CELF2: variants seen among roughly 807,000 people sequenced by gnomAD.
CELF2 encodes the protein CUG triplet repeat RNA-binding protein 2.
A neutral mutation model predicts 62.6 loss-of-function variants in CELF2; 8 were observed. The ratio of observed to expected loss-of-function variants is 0.13; its 90% CI spans 0.07 to 0.23. The LOEUF (loss-of-function observed/expected upper bound fraction) is 0.23, where lower values mean the gene tolerates loss of function less well. CELF2 is among the 10% of genes least tolerant of loss of function. The probability of loss-of-function intolerance (pLI) is 1.00; values close to 1 mark genes in which losing one functional copy is unlikely to be tolerated. For synonymous variants in CELF2, 258 were observed against 250.0 expected (o/e 1.03, Z -0.30); for missense variants, 333 against 671.0 (o/e 0.50, Z 5.56).
chr10:10,742,589 C>CA, the CELF2 span, among the ~76,000 whole-genome samples: 474 of 128,058 alleles, frequency 3.7e-3, 1 homozygote, highest in South Asian at 6.9e-3. Flanking sequence ...GACTTTGTTG[C>CA]AAAAAAAAAA....
At chr10:10,915,576 G>A (rs1286143433) in intron 1 of CELF2, among the ~76,000 whole-genome samples, 3 of 152,082 alleles carry the variant, frequency 2.0e-5, no homozygotes, top group Non-Finnish European at 4.4e-5. Flanking sequence ...CACCTCATCT[G>A]TTTGTTTGTT....
chr10:10,490,835 A>ACTTCGG, the CELF2 span, among the ~76,000 whole-genome samples: 1 of 152,182 alleles, frequency 6.6e-6, no homozygotes, highest in African/African-American at 2.4e-5. Flanking sequence ...CAAGGGAGTT[A>ACTTCGG]ATAATGGCTA....
chr10:10,951,877 G>C (rs1055261377), intron 2 of CELF2: 11 of 152,434 alleles, frequency 7.2e-5, no homozygotes, highest in Non-Finnish European at 1.3e-4. Context: ...GGGAAGAGGC[G>C]TTCGGTGTGA....
Position 11,243,353 on chromosome 10 carries a change from G to C in CELF2, c.355-5800G>C, listed in dbSNP as rs977432912. 8.1e-6 allele frequency among the ~76,000 whole-genome samples: 1 copy of C among 122,926 alleles called. No homozygotes were observed. The highest frequency in any genetic ancestry group is 8.5e-5 in the Admixed American group (1 of 11,786). 80.6% of individuals were successfully genotyped at this position (122,926 alleles called of 152,430 possible). On this transcript the variant is annotated intron_variant, in intron 3 of 12. Coordinates refer to ENST00000633077, the MANE Select transcript of CELF2 (RefSeq NM_001326342.2). The surrounding 1 kb of genome is among the most constrained non-coding windows in gnomAD (Gnocchi z 4.1). ...CTTAACGTGCGGCTTTAGGCAAAAT[G>C]TTATTCAAAAAAAAAAAAAAAAAGC...
intron 10 of CELF2, among the ~76,000 whole-genome samples, chr10:11,320,457 T>G (rs907794464): frequency 6.6e-6 from 1 of 152,238 alleles, no homozygotes; most frequent in African/African-American, 2.4e-5. Flanking sequence ...TATTTGCTGC[T>G]GAAAACTGCA....
chr10:10,501,281 G>A, the CELF2 span, among the ~76,000 whole-genome samples: 12 of 152,194 alleles, frequency 7.9e-5, no homozygotes, highest in South Asian at 4.1e-4. Flanking sequence ...TTGTCACTGC[G>A]TTTTACTTTA....
In CELF2 at chr10:11,236,735, A is replaced by C. The variant is rs1275288167; in HGVS notation, c.355-12418A>C. Among the ~76,000 whole-genome samples, 3 of 152,360 alleles carry C rather than the reference A, an allele frequency of 2.0e-5. No individual in the cohort carries two copies. In the East Asian group the frequency reaches 5.8e-4, roughly 29 times the overall value. Reference sequence around the variant, plus strand: ...ACGGCAATTTCACAGCAATTACCCAACCTAACTTGAAGTATAGCTGTTTCT... The same window carrying C: ...ACGGCAATTTCACAGCAATTACCCACCCTAACTTGAAGTATAGCTGTTTCT... On this transcript the variant is annotated intron_variant, in intron 3 of 12. Transcript: ENST00000633077.
the CELF2 span, among the ~76,000 whole-genome samples, chr10:10,576,984 A>G: frequency 0.096 from 14,565 of 152,248 alleles, 775 homozygotes; most frequent in South Asian, 0.17. Context: ...CCATTACCTC[A>G]GCAAGAAGGA....
At chr10:10,590,761 T>A in the CELF2 span, among the ~76,000 whole-genome samples, 3 of 152,226 alleles carry the variant, frequency 2.0e-5, no homozygotes, top group African/African-American at 4.8e-5. Flanking sequence ...CCCTCATCAG[T>A]TAAGTCAGAA....
the CELF2 span, among the ~76,000 whole-genome samples, chr10:10,538,415 A>G: frequency 6.6e-6 from 1 of 152,158 alleles, no homozygotes; most frequent in African/African-American, 2.4e-5. Context: ...AGTAGAGGCT[A>G]CACAGTGCAC....
chr10:10,712,147 C>CAAAAAAAAAAA, the CELF2 span, among the ~76,000 whole-genome samples: 13 of 43,422 alleles, frequency 3.0e-4, 1 homozygote, highest in South Asian at 2.0e-3. Context: ...AGGATAGAGA[C>CAAAAAAAAAAA]AAAAAAAAAA....
the CELF2 span, among the ~76,000 whole-genome samples, chr10:10,728,452 CA>C: frequency 0.4 from 32,945 of 81,550 alleles, 3,135 homozygotes; most frequent in South Asian, 0.52. Context: ...GACTCTGTTT[CA>C]AAAAAAAAAA....
chr10:10,768,333 G>A, the CELF2 span, among the ~76,000 whole-genome samples: 303 of 152,204 alleles, frequency 2.0e-3, 1 homozygote, highest in African/African-American at 6.8e-3. Flanking sequence ...CATGGGATTA[G>A]TGGTAATGTG....
chr10:11,270,079 T>C lies in CELF2; in HGVS notation c.619-587T>C, dbSNP rs3780992. 0.32 allele frequency among the ~76,000 whole-genome samples: 48,064 copies of C among 152,160 alleles called. 9,068 individuals carry two copies. Among genetic ancestry groups the C allele is most frequent in the Non-Finnish European group, 0.44 (29,671 of 67,970 alleles). On this transcript the variant is annotated intron_variant, in intron 6 of 12. Transcript: ENST00000633077. This position sits in a 1 kb window ranked among gnomAD's most constrained non-coding sequence, Gnocchi z 5.8. ...GTTACTTTGGAGAATGCCTGTGTTC[T>C]CTGAATATCTTCTGCCCTCATCCTC...
At chr10:10,804,259 AG>A (rs1263620047) in intron 1 of CELF2, among the ~76,000 whole-genome samples, 2 of 152,244 alleles carry the variant, frequency 1.3e-5, no homozygotes, top group Non-Finnish European at 2.9e-5. Flanking sequence ...TTGCTATGTT[AG>A]CCTGAGAGCA....
intron 2 of CELF2, among the ~76,000 whole-genome samples, chr10:10,998,123 T>C (rs1304064213): frequency 1.3e-5 from 2 of 152,216 alleles, no homozygotes; most frequent in Admixed American, 6.5e-5. Flanking sequence ...CTCAGCCATG[T>C]GAAACTGTGA....
chr10:11,300,805 T>G lies in CELF2; in HGVS notation c.976+12253T>G, dbSNP rs1232788255. ...GCGGGCTCCAGTGTCCTGAGTATGT[T>G]TGGTCAATGCAGGCGATTTTCTCCG... On this transcript the variant is annotated intron_variant, in intron 9 of 12. Transcript: ENST00000633077. The surrounding 1 kb of genome is among the most constrained non-coding windows in gnomAD (Gnocchi z 5.5). 6.6e-6 allele frequency among the ~76,000 whole-genome samples: 1 copy of G among 152,190 alleles called. No homozygotes were observed. The highest frequency in any genetic ancestry group is 1.5e-5 in the Non-Finnish European group (1 of 68,032).
At chr10:10,954,368 C>G (rs2135812810) in intron 2 of CELF2, among the ~76,000 whole-genome samples, 1 of 152,064 alleles carries the variant, frequency 6.6e-6, no homozygotes, top group Non-Finnish European at 1.5e-5. Flanking sequence ...GCCTCAGCCT[C>G]CCGAGTAGCT....
the CELF2 span, among the ~76,000 whole-genome samples, chr10:10,493,747 G>C: frequency 3.9e-5 from 6 of 152,062 alleles, no homozygotes; most frequent in African/African-American, 1.4e-4. Context: ...GGCCAGGCTG[G>C]TCTCAAACTC....
Sources: allele counts gnomAD v4.1 joint callset (sites outside exome capture counted in the v4.1 genomes callset), GRCh38; gene constraint gnomAD v4.1.1; non-coding constraint Gnocchi (gnomAD v3.1); transcripts MANE v1.5; gene names NCBI Gene and HGNC (gene_info 2026-07-23, HGNC 2026-07-21).